Variants in SGCZ observed in about 807,000 individuals in gnomAD.
SGCZ encodes zeta-sarcoglycan.
Under a neutral mutation model 41.3 loss-of-function variants are expected in SGCZ, and 40 were observed. That is an observed-to-expected ratio of 0.97 (90% CI 0.75 to 1.26). The LOEUF is 1.26. SGCZ is among the 50% of genes most tolerant of loss of function. The pLI, the probability that SGCZ is intolerant of heterozygous loss-of-function variation, is 0.00. For missense variants in SGCZ, 552 were observed against 369.8 expected, an observed-to-expected ratio of 1.49 and a Z score of -4.04; for synonymous variants, 206 against 137.5, an observed-to-expected ratio of 1.50 and a Z score of -3.49.
At chr8:14,105,973 G>C (rs958730746) in intron 6 of SGCZ, among the ~76,000 whole-genome samples, 1 of 151,982 alleles carries the variant, frequency 6.6e-6, no homozygotes, top group Non-Finnish European at 1.5e-5. Context: ...TAAGTTTATT[G>C]AATAAATTGG....
chr8:14,277,225 T>C (rs1800268344), intron 3 of SGCZ, among the ~76,000 whole-genome samples: 1 of 152,186 alleles, frequency 6.6e-6, no homozygotes, highest in South Asian at 2.1e-4. Flanking sequence ...ATTACTGTCT[T>C]CTATCTTTTT....
At position 14,605,447 on chromosome 8, in the gene SGCZ, T is replaced by C. The variant is rs181456902; in HGVS notation, c.40-50521A>G. Among the ~76,000 whole-genome samples the C allele has an allele frequency of 6.6e-5, 10 of 152,246 alleles. No homozygotes were observed. In the East Asian group the frequency reaches 1.5e-3, roughly 24 times the overall value. On this transcript the variant is annotated intron_variant, in intron 1 of 7. Transcript: ENST00000382080. The stretch of plus-strand genomic sequence containing the variant: ...CTTTTAGTTACTTTAAAAATGTGCA[T>C]TTAAATTAGTATTGACTATAGCCAC...
At chr8:15,171,015 A>C (rs924860083) in intron 1 of SGCZ, among the ~76,000 whole-genome samples, 1 of 151,812 alleles carries the variant, frequency 6.6e-6, no homozygotes, top group African/African-American at 2.4e-5. Flanking sequence ...ATTTAGACTA[A>C]CAAACAAATT....
chr8:14,765,967 CTTT>C (rs59212700), intron 1 of SGCZ, among the ~76,000 whole-genome samples: 8 of 141,524 alleles, frequency 5.7e-5, no homozygotes, highest in Admixed American at 7.2e-5. Context: ...ATATGATAGT[CTTT>C]TTTTTTTTTT....
intron 1 of SGCZ, among the ~76,000 whole-genome samples, chr8:14,985,092 A>C (rs1163479924): frequency 6.6e-6 from 1 of 152,168 alleles, no homozygotes; most frequent in Non-Finnish European, 1.5e-5. Flanking sequence ...CCAATGGTCA[A>C]ATACGAAAGA....
At chr8:14,702,870 T>TAAAA (rs1809204064) in intron 1 of SGCZ, among the ~76,000 whole-genome samples, 1 of 132,750 alleles carries the variant, frequency 7.5e-6, no homozygotes, top group Non-Finnish European at 1.6e-5. Flanking sequence ...GATAGATAGA[T>TAAAA]AGATAGATAG....
chr8:14,845,285 C>A (rs1177521674), intron 1 of SGCZ, among the ~76,000 whole-genome samples: 6 of 152,154 alleles, frequency 3.9e-5, no homozygotes, highest in African/African-American at 1.4e-4. Context: ...ATTATTCCTA[C>A]ACTGAGTACT....
chr8:15,134,505 C>G (rs923596245), intron 1 of SGCZ, among the ~76,000 whole-genome samples: 20 of 150,846 alleles, frequency 1.3e-4, no homozygotes, highest in Admixed American at 4.0e-4. Flanking sequence ...AAAAATAGCG[C>G]ATTTTTTTTC....
intron 4 of SGCZ, among the ~76,000 whole-genome samples, chr8:14,176,205 C>T (rs142435925): frequency 6.6e-6 from 1 of 152,122 alleles, no homozygotes. Context: ...AACCCTTAGT[C>T]CAACAATATG....
At chr8:14,123,173 A>T (rs986682949) in intron 5 of SGCZ, among the ~76,000 whole-genome samples, 1 of 152,206 alleles carries the variant, frequency 6.6e-6, no homozygotes, top group African/African-American at 2.4e-5. Flanking sequence ...CAAGATATTT[A>T]TTTCATCTGC....
chr8:14,323,828 T>C (rs1192976457), intron 3 of SGCZ, among the ~76,000 whole-genome samples: 1 of 152,148 alleles, frequency 6.6e-6, no homozygotes, highest in African/African-American at 2.4e-5. Flanking sequence ...TGTAACTTTA[T>C]ATTTTAATTT....
At chr8:14,280,847 C>T (rs990751541) in intron 3 of SGCZ, among the ~76,000 whole-genome samples, 2 of 150,752 alleles carry the variant, frequency 1.3e-5, no homozygotes, top group African/African-American at 2.4e-5. Context: ...GTTTCACTGG[C>T]CTACTCTCTT....
At chr8:14,676,199 A>T (rs866272431) in intron 1 of SGCZ, among the ~76,000 whole-genome samples, 39 of 152,346 alleles carry the variant, frequency 2.6e-4, no homozygotes, top group Middle Eastern at 3.4e-3. Flanking sequence ...CTCTGCACTC[A>T]AAAGTATCAT....
intron 1 of SGCZ, among the ~76,000 whole-genome samples, chr8:14,561,043 C>T (rs1395348842): frequency 6.6e-6 from 1 of 151,866 alleles, no homozygotes; most frequent in African/African-American, 2.4e-5. Context: ...TTAAAAGTTC[C>T]TTTTTTTGTT....
chr8:15,194,233 A>C (rs1585660717), intron 1 of SGCZ, among the ~76,000 whole-genome samples: 1 of 143,594 alleles, frequency 7.0e-6, no homozygotes, highest in South Asian at 2.3e-4. Flanking sequence ...ACACACCACA[A>C]CCCTCCCTTT....
chr8:14,691,865 T>G (rs1005713413), intron 1 of SGCZ, among the ~76,000 whole-genome samples: 1 of 152,000 alleles, frequency 6.6e-6, no homozygotes, highest in Non-Finnish European at 1.5e-5. Flanking sequence ...ATACATAATT[T>G]TATAACTGTT....
At chr8:14,705,857 C>T (rs890819183) in intron 1 of SGCZ, among the ~76,000 whole-genome samples, 1 of 151,994 alleles carries the variant, frequency 6.6e-6, no homozygotes, top group African/African-American at 2.4e-5. Context: ...TCCATTGTAA[C>T]TTTCTGAACA....
chr8:14,879,874 C>T (rs1375873517), intron 1 of SGCZ: 2 of 151,208 alleles, frequency 1.3e-5, no homozygotes, highest in African/African-American at 4.9e-5. Context: ...GAGTCTCGCT[C>T]TTGTCGCCCA....
At chr8:15,217,274 G>T (rs1018745458) in intron 1 of SGCZ, among the ~76,000 whole-genome samples, 3 of 151,388 alleles carry the variant, frequency 2.0e-5, no homozygotes, top group Non-Finnish European at 2.9e-5. Context: ...AAAATTAGCC[G>T]GGCGTGTTGG....
Sources: allele counts gnomAD v4.1 joint callset (sites outside exome capture counted in the v4.1 genomes callset), GRCh38; gene constraint gnomAD v4.1.1; transcripts MANE v1.5; gene names NCBI Gene and HGNC (gene_info 2026-07-23, HGNC 2026-07-21).